The following PDE7B variants were observed in gnomAD, a reference collection of about 807,000 sequenced individuals.
PDE7B encodes 3',5'-cyclic-AMP phosphodiesterase 7B.
In PDE7B, 29 loss-of-function variants were observed where a neutral mutation model predicts 56.2. The ratio of observed to expected loss-of-function variants is 0.52; its 90% confidence interval spans 0.38 to 0.70. The LOEUF (loss-of-function observed/expected upper bound fraction) is 0.70. PDE7B is among the 30% of genes least tolerant of loss of function. The pLI is 0.00. For synonymous variants in PDE7B, 197 were observed against 196.9 expected (o/e 1.00, Z 0.00); for missense variants, 490 against 565.0 (o/e 0.87, Z 1.35).
Position 136,178,973 on chromosome 6 carries a change from T to C in PDE7B, c.804-24T>C, listed in dbSNP as rs780963803. 5.0e-6 allele frequency: 8 copies of C among 1,613,530 alleles called. No homozygotes were observed. In the South Asian group the frequency reaches 5.5e-5, roughly 11 times the overall value. ...AAGGGATTTGCTTTGTGTGTGTTTT[T>C]CTCTTTCATTCTTGTGGATGCAGAC... On this transcript the variant is annotated intron_variant, in intron 9 of 12. Transcript: ENST00000308191.
At chr6:135,916,197 G>A (rs759357382) in intron 1 of PDE7B, among the ~76,000 whole-genome samples, 15 of 151,942 alleles carry the variant, frequency 9.9e-5, no homozygotes, top group Non-Finnish European at 2.1e-4. Flanking sequence ...GTTGCTCCAC[G>A]TGCTGCCACA....
rs151245698 is a variant in PDE7B, at chr6:136,167,351, T to TG, written c.712-6439dup. ...AAATCTCATCTTAAATTCTGTGTCA[T>TG]GGGGGGGAACAGTGGGAGGTAACTG... On this transcript the variant is annotated intron_variant, in intron 8 of 12. Coordinates refer to ENST00000308191, the MANE Select transcript of PDE7B (RefSeq NM_018945.4). 5.9e-3 allele frequency among the ~76,000 whole-genome samples: 903 copies of TG among 152,210 alleles called. 8 individuals are homozygous for TG. Among genetic ancestry groups the TG allele is most frequent in the African/African-American group, 0.021 (869 of 41,536 alleles).
At chr6:136,015,145 T>C (rs1317872796) in intron 2 of PDE7B, among the ~76,000 whole-genome samples, 1 of 152,236 alleles carries the variant, frequency 6.6e-6, no homozygotes, top group Non-Finnish European at 1.5e-5. Context: ...CACTTGAAGC[T>C]GGTGGGATTC....
chr6:135,998,945 G>C (rs1017027364), intron 2 of PDE7B, among the ~76,000 whole-genome samples: 1 of 152,010 alleles, frequency 6.6e-6, no homozygotes, highest in Non-Finnish European at 1.5e-5. Context: ...TACTACAAGG[G>C]AGAAAATTTG....
chr6:136,009,492 G>A (rs1030514893), intron 2 of PDE7B, among the ~76,000 whole-genome samples: 4 of 152,100 alleles, frequency 2.6e-5, no homozygotes, highest in African/African-American at 9.7e-5. Context: ...CCATTTGTCT[G>A]TATCCTCTTT....
rs546280444 is a variant in PDE7B at position 135,875,267 on chromosome 6, T to G, written c.21+23248T>G. Among the ~76,000 whole-genome samples the G allele has an allele frequency of 2.0e-5, 3 of 152,204 alleles. No homozygotes were observed. In the East Asian group the frequency reaches 5.8e-4, roughly 29 times the overall value. ...TTTGTTTTGCTATTCATCCTTTTTT[T>G]GTTACTTCTTTGCTTTTTTCTGCTT... On this transcript the variant is annotated intron_variant, in intron 1 of 12. Coordinates refer to ENST00000308191, the MANE Select transcript of PDE7B (RefSeq NM_018945.4).
chr6:135,892,496 A>G (rs1003255439), intron 1 of PDE7B, among the ~76,000 whole-genome samples: 1 of 152,182 alleles, frequency 6.6e-6, no homozygotes, highest in Non-Finnish European at 1.5e-5. Context: ...TTCTGAGGAG[A>G]TATTTCCTAT....
At chr6:135,917,966 T>C (rs771911294) in intron 1 of PDE7B, among the ~76,000 whole-genome samples, 11 of 152,210 alleles carry the variant, frequency 7.2e-5, no homozygotes, top group Non-Finnish European at 1.6e-4. Context: ...GGCATCTTCA[T>C]TTCACTCACA....
At position 136,195,425 on chromosome 6, in the gene PDE7B, T is replaced by G. The variant is rs1403149751; in HGVS notation, c.*3585T>G. 5 of 143,420 alleles carry G rather than the reference T, an allele frequency of 3.5e-5. No homozygotes were observed. Among genetic ancestry groups the G allele is most frequent in the Admixed American group, 2.1e-4 (3 of 14,124 alleles). The allele number at this position is 143,420 out of a possible 1,614,324, so 8.9% of individuals were successfully genotyped here. On this transcript the variant is annotated 3_prime_UTR_variant, in exon 13 of 13. Transcript: ENST00000308191. ...GTTCTTTTAAACAAATCCTTTAAACTGTGTCATTTTGTATACACATGTGAG... is the reference window on the plus strand; with the variant it reads ...GTTCTTTTAAACAAATCCTTTAAACGGTGTCATTTTGTATACACATGTGAG...
intron 1 of PDE7B, among the ~76,000 whole-genome samples, chr6:135,866,067 ATTTAT>A (rs1326853206): frequency 6.6e-6 from 1 of 152,180 alleles, no homozygotes; most frequent in African/African-American, 2.4e-5. Context: ...AATTTAGCAG[ATTTAT>A]TTTAATCATT....
At chr6:136,029,507 C>T (rs1252991008) in intron 2 of PDE7B, among the ~76,000 whole-genome samples, 9 of 152,094 alleles carry the variant, frequency 5.9e-5, no homozygotes, top group African/African-American at 1.4e-4. Flanking sequence ...TCTCAGAAAA[C>T]ACAGAATACA....
chr6:135,913,397 T>C (rs538175376), intron 1 of PDE7B, among the ~76,000 whole-genome samples: 1 of 152,234 alleles, frequency 6.6e-6, no homozygotes, highest in Admixed American at 6.5e-5. Flanking sequence ...CTGGACCTTT[T>C]GACCCACTCC....
Position 135,980,876 on chromosome 6 carries a change from C to T in PDE7B, c.82+33352C>T, listed in dbSNP as rs372830811. On this transcript the variant is annotated intron_variant, in intron 2 of 12. Coordinates refer to ENST00000308191, the MANE Select transcript of PDE7B (RefSeq NM_018945.4). ...TCAACCATTGTGGAAGTCAGTGTGG[C>T]GATTCCTCAGGGATCTAGAACTAGA... Among the ~76,000 whole-genome samples, 7 of 142,372 alleles carry T rather than the reference C, an allele frequency of 4.9e-5. No homozygotes were observed. In the East Asian group the frequency reaches 8.3e-4, roughly 17 times the overall value. The allele number at this position is 142,372 out of a possible 152,430, so 93.4% of individuals were successfully genotyped here.
rs149746570 is a variant in PDE7B at position 136,147,436 on chromosome 6, G to A, written c.252G>A (p.Leu84=). ...AAAGATACTTCCATGCATCAAGGCT[G>A]CTTCGTGGAATTATACCACAAGCCC... ...SFQRYFHASR[L]LRGIIPQAPL... The change falls in exon 4 of 13, where the codon CTG becomes CTA. Residue 84 remains leucine (L), a synonymous_variant. Transcript: ENST00000308191. The A allele has an allele frequency of 4.1e-5, 66 of 1,613,586 alleles. No homozygotes were observed. The highest frequency in any genetic ancestry group is 5.1e-5 in the Non-Finnish European group (60 of 1,179,644).
intron 2 of PDE7B, among the ~76,000 whole-genome samples, chr6:136,077,454 T>C (rs975127164): frequency 2.0e-5 from 3 of 152,128 alleles, no homozygotes; most frequent in African/African-American, 7.2e-5. Flanking sequence ...GTTGTGGGTG[T>C]AGGGAAAGGT....
At chr6:136,063,552 A>G (rs1053056168) in intron 2 of PDE7B, among the ~76,000 whole-genome samples, 1 of 152,208 alleles carries the variant, frequency 6.6e-6, no homozygotes, top group African/African-American at 2.4e-5. Flanking sequence ...AGATGAACCC[A>G]TCTTAATACA....
chr6:136,025,672 G>C (rs1423809366), intron 2 of PDE7B, among the ~76,000 whole-genome samples: 1 of 152,086 alleles, frequency 6.6e-6, no homozygotes, highest in Non-Finnish European at 1.5e-5. Context: ...TGCCCTAGTA[G>C]AACTATAAAT....
At chr6:136,118,965 A>T (rs1306980429) in intron 3 of PDE7B, among the ~76,000 whole-genome samples, 1 of 152,194 alleles carries the variant, frequency 6.6e-6, no homozygotes, top group East Asian at 1.9e-4. Context: ...CAAATGACAG[A>T]CTGCACATTT....
chr6:136,061,258 T>C (rs1437572487), intron 2 of PDE7B, among the ~76,000 whole-genome samples: 1 of 152,224 alleles, frequency 6.6e-6, no homozygotes, highest in Non-Finnish European at 1.5e-5. Flanking sequence ...GCTGATATAT[T>C]GTCTTCACTT....
Sources: gnomAD v4.1 joint callset for allele counts (sites outside exome capture counted in the v4.1 genomes callset) on GRCh38, gnomAD v4.1.1 for gene constraint, MANE v1.5 for transcripts, NCBI Gene and HGNC (gene_info 2026-07-23, HGNC 2026-07-21) for gene names.